IVD: variants seen among roughly 807,000 people sequenced by gnomAD.
The protein encoded by IVD is isovaleryl-CoA dehydrogenase, also known as isovaleryl-CoA dehydrogenase, mitochondrial.
Under a neutral mutation model 51.3 loss-of-function variants are expected in IVD, and 31 were observed. The ratio of observed to expected loss-of-function variants is 0.60; its 90% CI spans 0.45 to 0.81. The LOEUF is 0.81. IVD is among the 40% of genes least tolerant of loss of function. IVD has a pLI of 0.00. For missense variants in IVD, 475 were observed against 552.0 expected, an observed-to-expected ratio of 0.86 and a Z score of 1.40; for synonymous variants, 205 against 219.4, an observed-to-expected ratio of 0.93 and a Z score of 0.58.
At position 40,407,655 on chromosome 15, in the gene IVD, A is replaced by T. The variant is rs145999491; in HGVS notation, c.164A>T (p.Lys55Met). The T allele has an allele frequency of 1.5e-3, 2,390 of 1,614,038 alleles. 2 individuals are homozygous for T. The highest frequency in any genetic ancestry group is 1.9e-3 in the Non-Finnish European group (2,255 of 1,180,010). Reference sequence around the variant, plus strand: ...TATTAGCTTCGTCAGACCATGGCTAAGTTCCTTCAGGAGCACCTGGCCCCC... The same window carrying T: ...TATTAGCTTCGTCAGACCATGGCTATGTTCCTTCAGGAGCACCTGGCCCCC... ...EQRQLRQTMAKFLQEHLAPKA... is the reference protein window; with the variant it reads ...EQRQLRQTMAMFLQEHLAPKA... The change falls in exon 2 of 12, where the codon AAG becomes ATG. Residue 55 changes from lysine (K) to methionine (M), a missense_variant. Physicochemically the swap from Lys to Met is moderately conservative, Grantham distance 95 (BLOSUM62 -1). Coordinates refer to ENST00000487418, the MANE Select transcript of IVD (RefSeq NM_002225.5).
downstream of IVD, among the ~76,000 whole-genome samples, chr15:40,427,535 G>A (rs537692614): frequency 3.9e-4 from 60 of 152,262 alleles, no homozygotes; most frequent in African/African-American, 1.4e-3. Flanking sequence ...GCCCCCTCCC[G>A]CAAAGTCTTT....
intron 4 of IVD, 140 bp downstream of exon 4, chr15:40,410,937 GGATTGCTTTAAAA>G: frequency 9.4e-7 from 1 of 1,062,084 alleles, no homozygotes. Context: ...AAGGGGCCAT[GGATTGCTTTAAAA>G]TACTTGAGCC....
chr15:40,424,347 T>A (rs80176404), downstream of IVD: 2,541 of 404,020 alleles, frequency 6.3e-3, 56 homozygotes, highest in East Asian at 0.04. Flanking sequence ...ATGTTTCTCA[T>A]CCCTGTGCCT....
rs919787120 is a variant in IVD at position 40,418,544 on chromosome 15, C to G, written c.*281C>G. 4.0e-6 allele frequency: 5 copies of G among 1,244,246 alleles called. No individual in the cohort carries two copies. Among genetic ancestry groups the G allele is most frequent in the Non-Finnish European group, 5.1e-6 (5 of 978,310 alleles). 77.1% of individuals were successfully genotyped at this position (1,244,246 alleles called of 1,614,324 possible). Reference sequence around the variant, plus strand: ...GGACAGGTTTTGGTGACTCTGTGCCCTTGCTCTCTAACTTCTGAGCCCACC... The same window carrying G: ...GGACAGGTTTTGGTGACTCTGTGCCGTTGCTCTCTAACTTCTGAGCCCACC... On this transcript the variant is annotated 3_prime_UTR_variant, in exon 12 of 12. Transcript: ENST00000487418.
In IVD at chr15:40,431,295, T is replaced by C. The variant is rs567485791; in HGVS notation, c.720-2559T>C. Among the ~76,000 whole-genome samples the C allele has an allele frequency of 4.6e-5, 7 of 152,244 alleles. No individual in the cohort carries two copies. The East Asian group carries it at 1.4e-3, about 29-fold the overall frequency. The stretch of plus-strand genomic sequence containing the variant: ...CACCGTGCCCAGCCGGCTCCACTAT[T>C]ATTAATGTGACCCTGGGAAGTTACC... On this transcript the variant is annotated intron_variant, in intron 7 of 8. Transcript: ENST00000473112.
rs775318094 is a variant in IVD at position 40,411,337 on chromosome 15, C to A, written c.534C>A (p.Leu178=). 51 of 1,613,966 alleles carry A rather than the reference C, an allele frequency of 3.2e-5. No individual in the cohort carries two copies. Among genetic ancestry groups the A allele is most frequent in the African/African-American group, 5.3e-5 (4 of 74,894 alleles). The change falls in exon 5 of 12, where the codon CTC becomes CTA. Residue 178 remains leucine, a synonymous_variant. Transcript: ENST00000487418. ...GCTCTGATGTTGTCTCTATGAAGCTCAAAGCGGAAAAGAAAGGTGAGGCCA... is the reference window on the plus strand; with the variant it reads ...GCTCTGATGTTGTCTCTATGAAGCTAAAAGCGGAAAAGAAAGGTGAGGCCA... The part of the protein sequence containing the change: ...NAGSDVVSMK[L]KAEKKGNHYI...
chr15:40,410,352 T>A (rs1890932275), intron 3 of IVD, among the ~76,000 whole-genome samples: 1 of 152,256 alleles, frequency 6.6e-6, no homozygotes, highest in Non-Finnish European at 1.5e-5. Flanking sequence ...GCTCAGGTTG[T>A]TCACGTATCT....
Position 40,430,670 on chromosome 15 carries a change from G to A in IVD, c.720-3184G>A, listed in dbSNP as rs557723228. Among the ~76,000 whole-genome samples, 5 of 152,272 alleles carry A rather than the reference G, an allele frequency of 3.3e-5. No homozygotes were observed. In the East Asian group the frequency reaches 9.6e-4, roughly 29 times the overall value. ...TGGATTAGCTATGGGTGGCGGCTTG[G>A]GAGGGAGAGGGAGGTGCCAAGGATG... On this transcript the variant is annotated intron_variant, in intron 7 of 8. Coordinates refer to the IVD transcript ENST00000473112.
chr15:40,413,680 TTTG>T (rs397854427), intron 7 of IVD, among the ~76,000 whole-genome samples: 316 of 25,212 alleles, frequency 0.013, 1 homozygote, highest in East Asian at 0.11. Context: ...TTTTGTTTTT[TTTG>T]TTTGTTTGTT....
At chr15:40,416,385 T>A in intron 11 of IVD, 23 bp downstream of exon 11, 1 of 1,607,926 alleles carries the variant, frequency 6.2e-7, no homozygotes, top group Middle Eastern at 1.9e-4. Flanking sequence ...CACTTCCCAG[T>A]CCCGGGGCTC....
chr15:40,425,462 A>ATATATATATATATATATATATATATG (rs1304462652), downstream of IVD, among the ~76,000 whole-genome samples: 2 of 110,640 alleles, frequency 1.8e-5, no homozygotes, highest in African/African-American at 5.7e-5. Context: ...ATATATATAT[A>ATATATATATATATATATATATATATG]TATATTCTTC....
chr15:40,421,248 T>A lies in IVD; in HGVS notation c.*2985T>A. 2 of 985,360 alleles carry A rather than the reference T, an allele frequency of 2.0e-6. No homozygotes were observed. Among genetic ancestry groups the A allele is most frequent in the Non-Finnish European group, 2.4e-6 (2 of 829,922 alleles). The allele number at this position is 985,360 out of a possible 1,614,324, so 61.0% of individuals were successfully genotyped here. ...CGACTTGGGGAGGTGATTTCTTTCCTGGTTCTATATGTGAAGCAAAATAAA... is the reference window on the plus strand; with the variant it reads ...CGACTTGGGGAGGTGATTTCTTTCCAGGTTCTATATGTGAAGCAAAATAAA... On this transcript the variant is annotated 3_prime_UTR_variant, in exon 12 of 12. Coordinates refer to ENST00000487418, the MANE Select transcript of IVD (RefSeq NM_002225.5).
chr15:40,430,452 G>C (rs987422567), intron 7 of IVD, among the ~76,000 whole-genome samples: 23 of 152,218 alleles, frequency 1.5e-4, no homozygotes, highest in African/African-American at 4.8e-4. Flanking sequence ...GTCAGTTCCA[G>C]ATTTGGATCT....
At chr15:40,422,035 C>T (rs997754217), downstream of IVD, among the ~76,000 whole-genome samples, 4 of 152,242 alleles carry the variant, frequency 2.6e-5, no homozygotes, top group Non-Finnish European at 5.9e-5. Context: ...CTCGAGGCAG[C>T]GCGCTTCTTC....
In IVD at chr15:40,420,663, A is replaced by C. The variant is rs1892217894; in HGVS notation, c.*2400A>C. On this transcript the variant is annotated 3_prime_UTR_variant, in exon 12 of 12. Coordinates refer to ENST00000487418, the MANE Select transcript of IVD (RefSeq NM_002225.5). ...AGGAAGCAGGGAGCCCAGAGTGCTA[A>C]GTTCTTACAGCCAGAAGGAAGCTTA... The C allele has an allele frequency of 2.0e-6, 2 of 987,440 alleles. No homozygotes were observed. The highest frequency in any genetic ancestry group is 9.4e-5 in the South Asian group (2 of 21,372). The allele number at this position is 987,440 out of a possible 1,614,324, so 61.2% of individuals were successfully genotyped here. A position where few individuals can be genotyped will look rare whatever the true frequency, so the allele number is the denominator to read the frequency against.
chr15:40,422,289 G>A (rs962471916), downstream of IVD, among the ~76,000 whole-genome samples: 14 of 151,800 alleles, frequency 9.2e-5, no homozygotes, highest in African/African-American at 3.4e-4. Flanking sequence ...TTCATAAAAG[G>A]CTTTTTTTTT....
chr15:40,421,877 C>T (rs1471433366), downstream of IVD, among the ~76,000 whole-genome samples: 1 of 152,214 alleles, frequency 6.6e-6, no homozygotes, highest in Non-Finnish European at 1.5e-5. Context: ...TGGAATGGGA[C>T]TAGACCTGGT....
downstream of IVD, chr15:40,424,244 TA>T: frequency 8.1e-7 from 1 of 1,234,992 alleles, no homozygotes; most frequent in Non-Finnish European, 1.1e-6. Context: ...GCAAGGCAAA[TA>T]TGACTCTGAT....
chr15:40,409,840 T>C (rs866803751), intron 3 of IVD, among the ~76,000 whole-genome samples: 5,825 of 149,080 alleles, frequency 0.039, 160 homozygotes, highest in South Asian at 0.094. Context: ...TCTTTCTTTT[T>C]TTTTTTTTTT....
Sources: gnomAD v4.1 joint callset for allele counts (sites outside exome capture counted in the v4.1 genomes callset) on GRCh38, gnomAD v4.1.1 for gene constraint, MANE v1.5 for transcripts, NCBI Gene and HGNC (gene_info 2026-07-23, HGNC 2026-07-21) for gene names.